ATAD2B: variants seen among roughly 807,000 people sequenced by gnomAD.
ATAD2B encodes the protein ATPase family AAA domain containing 2B.
Under a neutral mutation model 167.6 loss-of-function variants are expected in ATAD2B, and 40 were observed. That is an observed-to-expected ratio of 0.24 (90% CI 0.19 to 0.31). ATAD2B has a LOEUF of 0.31. Ranked by LOEUF, ATAD2B falls within the 10% of genes least tolerant of loss-of-function variation. The probability of loss-of-function intolerance (pLI) is 1.00; values close to 1 mark genes in which losing one functional copy is unlikely to be tolerated. For missense variants in ATAD2B, 1,242 were observed against 1,757.2 expected (o/e 0.71, Z 5.24); for synonymous variants, 579 against 596.5 (o/e 0.97, Z 0.43).
chr2:23,888,409 A>G lies in ATAD2B; in HGVS notation c.369-10T>C. ...AGGCTGAGAAGTTAACCTAGAACAC[A>G]ATAATATTTAATATGCAAACACATC... On this transcript the variant is annotated splice_polypyrimidine_tract_variant and intron_variant, in intron 2 of 27. Transcript: ENST00000238789. The G allele has an allele frequency of 1.3e-6, 2 of 1,526,576 alleles. No homozygotes were observed. The highest frequency in any genetic ancestry group is 2.1e-5 in the Admixed American group (1 of 48,278). The allele number at this position is 1,526,576 out of a possible 1,614,324, so 94.6% of individuals were successfully genotyped here.
chr2:23,696,506 G>A, the ATAD2B span: 1 of 1,524,140 alleles, frequency 6.6e-7, no homozygotes, highest in South Asian at 1.3e-5. This position sits in a 1 kb window ranked among gnomAD's most constrained non-coding sequence, Gnocchi z 5.5. Context: ...CGTGGACCAC[G>A]TGGAGAGGTA....
chr2:23,703,105 G>A, the ATAD2B span: 1 of 1,026,320 alleles, frequency 9.7e-7, no homozygotes, highest in Non-Finnish European at 1.3e-6. Context: ...GGAGCAGATG[G>A]CAGTTTGCTG....
intron 19 of ATAD2B, among the ~76,000 whole-genome samples, chr2:23,792,729 G>A (rs898231920): frequency 1.4e-4 from 21 of 151,942 alleles, no homozygotes; most frequent in Non-Finnish European, 2.9e-5. Flanking sequence ...TTGGGAGGCT[G>A]AGGTGGGTGG....
At position 23,887,922 on chromosome 2, in the gene ATAD2B, C is replaced by A; in HGVS notation, c.482G>T (p.Gly161Val). Residue 161 changes from glycine (G) to valine (V), a missense_variant, in exon 4 of 28, where the codon GGT becomes GTT. Gly to Val is a moderately radical substitution (Grantham distance 109). Coordinates refer to ENST00000238789, the MANE Select transcript of ATAD2B (RefSeq NM_017552.4). ...KGDGDLSCINGDMEVRKSCRS... is the reference protein window; with the variant it reads ...KGDGDLSCINVDMEVRKSCRS... ...ACAACTTTTTCTGACTTCCATGTCA[C>A]CATTTATACAAGAAAGGTCCCCATC... The A allele has an allele frequency of 1.2e-6, 2 of 1,610,864 alleles. No individual in the cohort carries two copies. The highest frequency in any genetic ancestry group is 1.7e-6 in the Non-Finnish European group (2 of 1,178,876).
chr2:23,781,034 G>A (rs965875635), intron 22 of ATAD2B, among the ~76,000 whole-genome samples: 5 of 152,006 alleles, frequency 3.3e-5, no homozygotes, highest in African/African-American at 1.2e-4. Context: ...TCTCAATAGA[G>A]TGAAAAAGCG....
At chr2:23,681,146 C>T in the ATAD2B span, among the ~76,000 whole-genome samples, 1 of 152,240 alleles carries the variant, frequency 6.6e-6, no homozygotes, top group Non-Finnish European at 1.5e-5. This position sits in a 1 kb window ranked among gnomAD's most constrained non-coding sequence, Gnocchi z 4.2. Context: ...CCTGCTTCGC[C>T]GGCCGGGCAG....
intron 19 of ATAD2B, among the ~76,000 whole-genome samples, chr2:23,789,450 A>C (rs905116357): frequency 1.3e-5 from 2 of 152,100 alleles, no homozygotes; most frequent in Non-Finnish European, 2.9e-5. Context: ...CTATTTTTCT[A>C]TACCTATCCC....
At chr2:23,736,786 T>C in the ATAD2B span, among the ~76,000 whole-genome samples, 1 of 152,126 alleles carries the variant, frequency 6.6e-6, no homozygotes, top group African/African-American at 2.4e-5. Flanking sequence ...GGAATTCCCT[T>C]TCCTAGTCAA....
the ATAD2B span, among the ~76,000 whole-genome samples, chr2:23,724,668 C>T: frequency 3.3e-5 from 5 of 152,058 alleles, no homozygotes; most frequent in Non-Finnish European, 1.5e-5. Flanking sequence ...AAATCCCAAA[C>T]AGGTTAAACT....
At chr2:23,708,106 A>C in the ATAD2B span, 2 of 152,218 alleles carry the variant, frequency 1.3e-5, no homozygotes, top group Admixed American at 1.3e-4. Flanking sequence ...TTTATAAGAG[A>C]AAAAGACAGG....
chr2:23,827,753 G>T (rs1409970927), intron 15 of ATAD2B: 2 of 152,646 alleles, frequency 1.3e-5, no homozygotes, highest in African/African-American at 2.4e-5. Context: ...ACCAGGCAAA[G>T]CTTAAACTGA....
At chr2:23,695,983 C>T in the ATAD2B span, 5 of 1,551,414 alleles carry the variant, frequency 3.2e-6, no homozygotes, top group Non-Finnish European at 4.4e-6. This position sits in a 1 kb window ranked among gnomAD's most constrained non-coding sequence, Gnocchi z 7.6. Context: ...GGTTGGGGGC[C>T]GTCAGATGGT....
the ATAD2B span, chr2:23,696,068 C>T: frequency 2.6e-6 from 4 of 1,551,830 alleles, no homozygotes; most frequent in East Asian, 2.4e-5. The surrounding 1 kb of genome is among the most constrained non-coding windows in gnomAD (Gnocchi z 5.5). Flanking sequence ...CCCTTGGCCT[C>T]GCTGCCCTTC....
chr2:23,731,048 G>A, the ATAD2B span, among the ~76,000 whole-genome samples: 4 of 150,288 alleles, frequency 2.7e-5, no homozygotes, highest in Admixed American at 6.6e-5. Flanking sequence ...ATAGGACTCG[G>A]GGCAATTTGA....
intron 17 of ATAD2B, among the ~76,000 whole-genome samples, chr2:23,818,077 A>AACACACACACACACATTACACACACAC (rs1686725976): frequency 2.1e-5 from 3 of 142,266 alleles, no homozygotes; most frequent in African/African-American, 5.3e-5. Context: ...AACACACATA[A>AACACACACACACACATTACACACACAC]ACACACACAC....
chr2:23,835,280 TGATA>T (rs1374003544), intron 13 of ATAD2B, among the ~76,000 whole-genome samples: 1 of 152,204 alleles, frequency 6.6e-6, no homozygotes, highest in Admixed American at 6.5e-5. Context: ...GTCCATCAAC[TGATA>T]AATAGAATAA....
intron 20 of ATAD2B, 121 bp downstream of exon 20, chr2:23,788,390 TA>T: frequency 9.0e-7 from 1 of 1,117,208 alleles, no homozygotes; most frequent in Non-Finnish European, 1.3e-6. Flanking sequence ...CATCTAAAGA[TA>T]AACAGAACCT....
the ATAD2B span, chr2:23,706,690 C>T: frequency 5.8e-5 from 86 of 1,471,978 alleles, no homozygotes; most frequent in East Asian, 2.1e-3. Context: ...CACGATAAGA[C>T]TGTGGACAAG....
chr2:23,874,779 G>C (rs140441473), intron 8 of ATAD2B, among the ~76,000 whole-genome samples: 1 of 152,002 alleles, frequency 6.6e-6, no homozygotes, highest in Non-Finnish European at 1.5e-5. Flanking sequence ...AATTAGGGCC[G>C]GGTGTGGTGG....
Sources: allele counts gnomAD v4.1 joint callset (sites outside exome capture counted in the v4.1 genomes callset), GRCh38; gene constraint gnomAD v4.1.1; non-coding constraint Gnocchi (gnomAD v3.1); transcripts MANE v1.5; gene names NCBI Gene and HGNC (gene_info 2026-07-23, HGNC 2026-07-21).